The following API5 variants were observed in gnomAD, a reference collection of about 807,000 sequenced individuals.
The protein encoded by API5 is FIF.
Under a neutral mutation model 71.9 loss-of-function variants are expected in API5, and 6 were observed. That is an observed-to-expected ratio of 0.08 (90% CI 0.05 to 0.16). The LOEUF is 0.16. Ranked by LOEUF, API5 falls within the 10% of genes least tolerant of loss-of-function variation. The probability of loss-of-function intolerance (pLI) is 1.00; values close to 1 mark genes in which losing one functional copy is unlikely to be tolerated. For missense variants in API5, 332 were observed against 612.8 expected, an observed-to-expected ratio of 0.54 and a Z score of 4.84; for synonymous variants, 189 against 221.3, an observed-to-expected ratio of 0.85 and a Z score of 1.30.
At chr11:43,323,401 AC>A (rs1307775964) in intron 5 of API5, 28 bp from the exon 6 acceptor site, 1 of 1,559,078 alleles carries the variant, frequency 6.4e-7, no homozygotes, top group Admixed American at 1.7e-5. Flanking sequence ...TGATGAACAT[AC>A]TCTTATTCTG....
intron 9 of API5, 142 bp downstream of exon 9, chr11:43,329,035 T>C: frequency 1.2e-6 from 1 of 822,464 alleles, no homozygotes; most frequent in East Asian, 2.7e-5. Flanking sequence ...AAAATGGGCA[T>C]GTTTGTAAAC....
chr11:43,314,316 T>C (rs766086162), intron 1 of API5, among the ~76,000 whole-genome samples: 1 of 152,174 alleles, frequency 6.6e-6, no homozygotes, highest in Non-Finnish European at 1.5e-5. Context: ...GGAATCCTTC[T>C]AAGAAACCTT....
chr11:43,325,516 A>G (rs1322862346), intron 6 of API5, among the ~76,000 whole-genome samples: 1 of 152,224 alleles, frequency 6.6e-6, no homozygotes, highest in Non-Finnish European at 1.5e-5. Context: ...AACAATAGCC[A>G]ACATCATCGA....
chr11:43,331,488 G>GTTTTATTA (rs1322123683), intron 11 of API5: 1 of 214,388 alleles, frequency 4.7e-6, no homozygotes, highest in Non-Finnish European at 9.2e-6. Flanking sequence ...GGAAAAAAAT[G>GTTTTATTA]TTTTATTATA....
chr11:43,321,095 G>T lies in API5; in HGVS notation c.325+181G>T, dbSNP rs5743219. On this transcript the variant is annotated intron_variant, in intron 3 of 13. Transcript: ENST00000531273. ...ATGATTTCTGGTTATCTAATTCCTG[G>T]TGTTGTTTTGTTTTTAATTCCGTTA... is the stretch of plus-strand genomic sequence containing the variant. 2.9e-3 allele frequency among the ~76,000 whole-genome samples: 443 copies of T among 152,136 alleles called. 1 individual carries two copies. The highest frequency in any genetic ancestry group is 5.2e-3 in the Non-Finnish European group (353 of 67,996).
In API5 at chr11:43,329,837, T is replaced by G. The variant is rs1294107318; in HGVS notation, c.1128-128T>G. ...TAATCAGAAACAAGCAACTTAAAAT[T>G]CTCTTCTTTAATTTACTGGTCATGT... is the stretch of plus-strand genomic sequence containing the variant. On this transcript the variant is annotated intron_variant, in intron 9 of 13. Transcript: ENST00000531273. 5 of 705,730 alleles carry G rather than the reference T, an allele frequency of 7.1e-6. No homozygotes were observed. In the African/African-American group the frequency reaches 8.9e-5, roughly 13 times the overall value. The allele number at this position is 705,730 out of a possible 1,614,324, so 43.7% of individuals were successfully genotyped here. A position where few individuals can be genotyped will look rare whatever the true frequency, so the allele number is the denominator to read the frequency against.
intron 9 of API5, 95 bp downstream of exon 9, chr11:43,328,988 C>A: frequency 8.1e-7 from 1 of 1,229,220 alleles, no homozygotes; most frequent in Non-Finnish European, 1.2e-6. Flanking sequence ...AGCTCCCCAT[C>A]CTGCCTTACC....
intron 13 of API5, among the ~76,000 whole-genome samples, chr11:43,338,494 T>C (rs1357535189): frequency 1.3e-5 from 2 of 151,574 alleles, no homozygotes; most frequent in African/African-American, 4.9e-5. Context: ...TAAAGTTTAA[T>C]TTAAACTGGG....
rs118061658 is a variant in API5 at position 43,339,668 on chromosome 11, T to G, written c.1493-2760T>G. Among the ~76,000 whole-genome samples, 1,179 of 152,280 alleles carry G rather than the reference T, an allele frequency of 7.7e-3. 10 individuals carry two copies. The highest frequency in any genetic ancestry group is 0.013 in the Non-Finnish European group (916 of 68,006). Reference sequence around the variant, plus strand: ...ACGCACATACACACATAGCACCTATTTGGCAGTATTCTGAGAAGCTTATGT... The same window carrying G: ...ACGCACATACACACATAGCACCTATGTGGCAGTATTCTGAGAAGCTTATGT... On this transcript the variant is annotated intron_variant, in intron 13 of 13. Coordinates refer to ENST00000531273, the MANE Select transcript of API5 (RefSeq NM_001142930.2).
chr11:43,328,427 ACT>A (rs775187915), intron 8 of API5, among the ~76,000 whole-genome samples: 1 of 152,150 alleles, frequency 6.6e-6, no homozygotes, highest in South Asian at 2.1e-4. Flanking sequence ...GGTTACCCTA[ACT>A]CTCAGAGCAT....
At position 43,324,920 on chromosome 11, in the gene API5, C is replaced by A. The variant is rs5743230; in HGVS notation, c.750+1284C>A. On this transcript the variant is annotated intron_variant, in intron 6 of 13. Transcript: ENST00000531273. ...TCTCGCACTCCTGAGTTCAGGCAAT[C>A]CACCTGCCTCAGCCTCCCAAAGTGC... Among the ~76,000 whole-genome samples the A allele has an allele frequency of 5.1e-4, 78 of 152,162 alleles. No homozygotes were observed. The South Asian group carries it at 0.014, about 28-fold the overall frequency.
chr11:43,334,686 A>G (rs1019527197), intron 11 of API5, among the ~76,000 whole-genome samples: 1 of 152,098 alleles, frequency 6.6e-6, no homozygotes, highest in Non-Finnish European at 1.5e-5. Flanking sequence ...TTCAGCAAAC[A>G]TTTGCATTCC....
At chr11:43,325,298 A>G (rs954309827) in intron 6 of API5, among the ~76,000 whole-genome samples, 16 of 152,180 alleles carry the variant, frequency 1.1e-4, no homozygotes, top group Non-Finnish European at 1.8e-4. Flanking sequence ...TTTATGGTGA[A>G]GCTTGGTGGA....
chr11:43,335,966 T>A lies in API5; in HGVS notation c.1464T>A (p.Tyr488Ter). Residue 488 changes from tyrosine (Y) to a stop codon, truncating the protein, a stop_gained, in exon 13 of 14, where the codon TAT becomes TAA. Coordinates refer to ENST00000531273, the MANE Select transcript of API5 (RefSeq NM_001142930.2). LOFTEE classifies it high-confidence loss of function. ...RQIYNPPSGKYSSNLGNFNYE... is the reference protein window; with the variant it reads ...RQIYNPPSGK Reference sequence around the variant, plus strand: ...TTTATAACCCTCCCAGTGGGAAATATAGCAGCAATTTGGGCAACTTTAATT... The same window carrying A: ...TTTATAACCCTCCCAGTGGGAAATAAAGCAGCAATTTGGGCAACTTTAATT... 3.1e-6 allele frequency: 5 copies of A among 1,614,084 alleles called. No homozygotes were observed. Among genetic ancestry groups the A allele is most frequent in the Non-Finnish European group, 4.2e-6 (5 of 1,180,004 alleles).
chr11:43,328,139 A>G (rs138370692), intron 8 of API5, among the ~76,000 whole-genome samples: 51 of 152,306 alleles, frequency 3.3e-4, no homozygotes, highest in Non-Finnish European at 6.0e-4. Context: ...ATGTATTTGT[A>G]TAACTAACAC....
intron 13 of API5, among the ~76,000 whole-genome samples, chr11:43,336,866 G>GCC (rs1855451396): frequency 1.3e-5 from 2 of 152,020 alleles, no homozygotes; most frequent in South Asian, 4.1e-4. Flanking sequence ...AAATTTGCCA[G>GCC]GTGTGGTGGC....
chr11:43,323,585 C>T lies in API5; in HGVS notation c.699C>T (p.Asp233=), dbSNP rs1459955206. The T allele has an allele frequency of 5.6e-6, 9 of 1,613,994 alleles. No homozygotes were observed. Among genetic ancestry groups the T allele is most frequent in the Non-Finnish European group, 7.6e-6 (9 of 1,179,986 alleles). The change falls in exon 6 of 14, where the codon GAC becomes GAT. Residue 233 remains aspartate (D), a synonymous_variant. Transcript: ENST00000531273. ...LEQTFNPSDP[D]CVDRLLQCTR... ...AGACCTTCAATCCCTCGGATCCTGA[C>T]TGTGTGGACAGGCTCTTACAGTGCA...
At chr11:43,338,136 G>A (rs1180937309) in intron 13 of API5, among the ~76,000 whole-genome samples, 1 of 152,180 alleles carries the variant, frequency 6.6e-6, no homozygotes, top group Non-Finnish European at 1.5e-5. Context: ...TTAGAAAGAA[G>A]AGTGAATTTC....
chr11:43,312,883 C>G (rs972619744), intron 1 of API5, among the ~76,000 whole-genome samples: 1 of 151,926 alleles, frequency 6.6e-6, no homozygotes, highest in Admixed American at 6.6e-5. Flanking sequence ...CCGAGGCGGG[C>G]GGATCACGAG....
Sources: gnomAD v4.1 joint callset for allele counts (sites outside exome capture counted in the v4.1 genomes callset) on GRCh38, gnomAD v4.1.1 for gene constraint, MANE v1.5 for transcripts, NCBI Gene and HGNC (gene_info 2026-07-23, HGNC 2026-07-21) for gene names.